Variants in KLF8 observed in about 807,000 individuals in gnomAD.
The protein encoded by KLF8 is Krueppel-like factor 8.
In KLF8, 10 loss-of-function variants were observed where a neutral mutation model predicts 18.2. The observed-to-expected ratio is 0.55, with a 90% CI of 0.34 to 0.93. The LOEUF (loss-of-function observed/expected upper bound fraction) is 0.93. KLF8 is among the 40% of genes least tolerant of loss of function. The pLI is 0.02. For missense variants in KLF8, 264 were observed against 277.9 expected (o/e 0.95, Z 0.36); for synonymous variants, 109 against 97.3 (o/e 1.12, Z -0.71).
chrX:56,029,528 T>C, the KLF8 span, among the ~76,000 whole-genome samples: 26 of 111,194 alleles, frequency 2.3e-4, no homozygotes, highest in African/African-American at 7.2e-4. Flanking sequence ...TTCAGCACGG[T>C]ATTGACCAAA....
the KLF8 span, among the ~76,000 whole-genome samples, chrX:56,174,101 T>C: frequency 9.0e-6 from 1 of 111,674 alleles, no homozygotes; most frequent in East Asian, 2.8e-4. Context: ...TTCTCCTTCC[T>C]GATTGGCCTG....
chrX:56,284,693 C>T lies in KLF8; in HGVS notation c.*199C>T, dbSNP rs2067249199. 3.3e-6 allele frequency: 1 copy of T among 301,834 alleles called. No individual in the cohort carries two copies. The highest frequency in any genetic ancestry group is 6.1e-5 in the Admixed American group (1 of 16,401). 24.9% of individuals were successfully genotyped at this position (301,834 alleles called of 1,213,427 possible). A position where few individuals can be genotyped will look rare whatever the true frequency, so the allele number is the denominator to read the frequency against. ...ATTCTACCTTCACTTCTCCACTGTC[C>T]AGACCCGTTTTTTTCAACCTCCACA... On this transcript the variant is annotated 3_prime_UTR_variant, in exon 6 of 6. Transcript: ENST00000468660.
chrX:56,243,349 C>G, intron 1 of KLF8: 1 of 310,007 alleles, frequency 3.2e-6, no homozygotes, highest in Non-Finnish European at 5.9e-6. Flanking sequence ...GCCTTCAAAG[C>G]CTTTGCTTTG....
chrX:56,011,086 T>C, the KLF8 span, among the ~76,000 whole-genome samples: 1 of 112,138 alleles, frequency 8.9e-6, no homozygotes, highest in Non-Finnish European at 1.9e-5. Context: ...AACAATGATA[T>C]TCAGGACTTG....
At chrX:56,233,570 G>A (rs890722859) in intron 1 of KLF8, among the ~76,000 whole-genome samples, 1 of 111,826 alleles carries the variant, frequency 8.9e-6, no homozygotes, top group Non-Finnish European at 1.9e-5. Context: ...GAGCTTGGTG[G>A]AAGAAGTGAA....
At chrX:56,152,582 A>C in the KLF8 span, among the ~76,000 whole-genome samples, 1 of 111,386 alleles carries the variant, frequency 9.0e-6, no homozygotes, top group African/African-American at 3.3e-5. Context: ...TCCAAAGGTA[A>C]TATATTGACA....
At chrX:56,045,758 G>A in the KLF8 span, among the ~76,000 whole-genome samples, 58,735 of 110,327 alleles carry the variant, frequency 0.53, 13,767 homozygotes, top group East Asian at 0.76. Context: ...TTAAATTTGT[G>A]TCCTGAATTT....
At chrX:56,045,883 T>C in the KLF8 span, among the ~76,000 whole-genome samples, 7 of 111,769 alleles carry the variant, frequency 6.3e-5, no homozygotes, top group Admixed American at 2.9e-4. Flanking sequence ...CAGTACTATG[T>C]TGAATAGAAG....
the KLF8 span, among the ~76,000 whole-genome samples, chrX:56,081,882 G>A: frequency 6.3e-5 from 7 of 111,546 alleles, no homozygotes; most frequent in Admixed American, 4.8e-4. Context: ...GAGGATTTTT[G>A]CATCAACATT....
At chrX:56,049,280 C>T in the KLF8 span, among the ~76,000 whole-genome samples, 1 of 111,302 alleles carries the variant, frequency 9.0e-6, no homozygotes. Flanking sequence ...CCTGATTATC[C>T]TGGCCAGAAC....
At chrX:56,044,514 G>A in the KLF8 span, among the ~76,000 whole-genome samples, 1 of 112,351 alleles carries the variant, frequency 8.9e-6, no homozygotes, top group African/African-American at 3.2e-5. Flanking sequence ...TTGTCTGAAG[G>A]CCCTGCAGGG....
intron 5 of KLF8, 82 bp downstream of exon 5, chrX:56,270,403 GC>G: frequency 2.1e-6 from 2 of 953,290 alleles, no homozygotes; most frequent in Non-Finnish European, 2.7e-6. Flanking sequence ...AGAGAGAGGG[GC>G]AGAGAGAGAG....
chrX:56,208,635 C>T, the KLF8 span, among the ~76,000 whole-genome samples: 1 of 110,910 alleles, frequency 9.0e-6, no homozygotes, highest in Non-Finnish European at 1.9e-5. Flanking sequence ...ACTGCTTTTG[C>T]TGTATCCCAT....
At chrX:56,266,217 C>T (rs1429573680) in intron 3 of KLF8, 1 of 754,054 alleles carries the variant, frequency 1.3e-6, no homozygotes, top group East Asian at 1.5e-4. Flanking sequence ...ATATTTCTAT[C>T]TCAAACATAC....
the KLF8 span, among the ~76,000 whole-genome samples, chrX:56,026,016 G>C: frequency 8.9e-6 from 1 of 112,133 alleles, no homozygotes; most frequent in African/African-American, 3.2e-5. Flanking sequence ...TCATGCTTCG[G>C]CCGTGCGTAG....
the KLF8 span, among the ~76,000 whole-genome samples, chrX:55,978,060 T>C: frequency 9.1e-6 from 1 of 110,431 alleles, no homozygotes; most frequent in Non-Finnish European, 1.9e-5. Context: ...ACATTCTCTC[T>C]CTCTCTATAT....
At chrX:56,058,281 T>TAC in the KLF8 span, among the ~76,000 whole-genome samples, 3 of 14,462 alleles carry the variant, frequency 2.1e-4, no homozygotes, top group African/African-American at 6.0e-4. Context: ...TATATATACA[T>TAC]ATATATATAT....
the KLF8 span, among the ~76,000 whole-genome samples, chrX:56,060,000 C>A: frequency 3.6e-5 from 4 of 111,417 alleles, no homozygotes; most frequent in South Asian, 1.5e-3. Flanking sequence ...GAATGATTTT[C>A]CAATTGTTTG....
At chrX:56,003,447 TAAAA>T in the KLF8 span, among the ~76,000 whole-genome samples, 1 of 103,165 alleles carries the variant, frequency 9.7e-6, no homozygotes, top group Non-Finnish European at 2.0e-5. Flanking sequence ...AATAAATAAA[TAAAA>T]GTCTGAACTT....
Sources: allele counts gnomAD v4.1 joint callset (sites outside exome capture counted in the v4.1 genomes callset), GRCh38; gene constraint gnomAD v4.1.1; transcripts MANE v1.5; gene names NCBI Gene and HGNC (gene_info 2026-07-23, HGNC 2026-07-21).